The following NMNAT3 variants were observed in gnomAD, a reference collection of about 807,000 sequenced individuals.
NMNAT3 encodes the protein nicotinamide nucleotide adenylyltransferase 3.
A neutral mutation model predicts 24.8 loss-of-function variants in NMNAT3; 21 were observed. The observed-to-expected ratio is 0.85, with a 90% CI of 0.60 to 1.22. NMNAT3 has a LOEUF of 1.22. Among genes scored for constraint, NMNAT3 ranks in the 50% most tolerant of loss-of-function variants. The pLI is 0.00. For synonymous variants in NMNAT3, 136 were observed against 155.2 expected (o/e 0.88, Z 0.92); for missense variants, 387 against 436.6 (o/e 0.89, Z 1.01).
In NMNAT3 at chr3:139,590,697, G is replaced by A. The variant is rs550683444; in HGVS notation, c.110-7489C>T. On this transcript the variant is annotated intron_variant, in intron 3 of 6. Transcript: ENST00000643695. The stretch of plus-strand genomic sequence containing the variant: ...ATAAGCTTAAAAATTAATGCGTGCT[G>A]TAGAAATATTACAGTCTACTGAAAA... Among the ~76,000 whole-genome samples the A allele has an allele frequency of 4.6e-5, 7 of 152,174 alleles. No homozygotes were observed. The South Asian group carries it at 1.5e-3, about 32-fold the overall frequency.
At position 139,638,604 on chromosome 3, in the gene NMNAT3, C is replaced by T. The variant is rs1395883402; in HGVS notation, c.-140-542G>A. 2.0e-5 allele frequency among the ~76,000 whole-genome samples: 3 copies of T among 152,240 alleles called. 1 individual carries two copies. The highest frequency in any genetic ancestry group is 4.1e-4 in the South Asian group (2 of 4,830). ...CCTTGACTTGAGAGTCTGTCAGTCCCACCTCTGTAATATCTTTATTGCTCA... is the reference window on the plus strand; with the variant it reads ...CCTTGACTTGAGAGTCTGTCAGTCCTACCTCTGTAATATCTTTATTGCTCA... On this transcript the variant is annotated intron_variant, in intron 1 of 6. Transcript: ENST00000643695.
intron 1 of NMNAT3, among the ~76,000 whole-genome samples, chr3:139,641,059 A>G (rs921198325): frequency 6.6e-6 from 1 of 152,220 alleles, no homozygotes; most frequent in Non-Finnish European, 1.5e-5. Context: ...TAAGCTGACA[A>G]ACTGTCTTGT....
At chr3:139,577,903 G>T (rs1939575913) in intron 5 of NMNAT3, 2 of 152,262 alleles carry the variant, frequency 1.3e-5, no homozygotes, top group Admixed American at 1.3e-4. Flanking sequence ...CTACTAAAAA[G>T]GTAAATCTTT....
intron 6 of NMNAT3, chr3:139,566,060 G>A (rs571862801): frequency 6.6e-6 from 1 of 152,132 alleles, no homozygotes; most frequent in African/African-American, 2.4e-5. Flanking sequence ...CATTCTAACT[G>A]GTGTGAGATG....
At chr3:139,576,109 C>T (rs1939266750) in intron 5 of NMNAT3, 3 of 1,248,502 alleles carry the variant, frequency 2.4e-6, no homozygotes, top group Non-Finnish European at 3.1e-6. Flanking sequence ...ATGTTTGTTA[C>T]TATGTCACTA....
chr3:139,633,868 T>C (rs915460538), intron 2 of NMNAT3, among the ~76,000 whole-genome samples: 10 of 152,150 alleles, frequency 6.6e-5, no homozygotes, highest in African/African-American at 2.4e-4. Flanking sequence ...CTCTGAACGA[T>C]TTTAAACAGG....
intron 3 of NMNAT3, among the ~76,000 whole-genome samples, chr3:139,617,722 GTAAC>G (rs1284798860): frequency 5.9e-5 from 9 of 152,156 alleles, no homozygotes; most frequent in Admixed American, 1.3e-4. Flanking sequence ...TTGATTAGAA[GTAAC>G]TAACTGTCTC....
At chr3:139,625,959 C>T (rs1371036515) in intron 3 of NMNAT3, among the ~76,000 whole-genome samples, 1 of 152,118 alleles carries the variant, frequency 6.6e-6, no homozygotes, top group African/African-American at 2.4e-5. Context: ...TCTTTCAGTT[C>T]TCTAACAATG....
At chr3:139,664,680 C>T (rs974422825) in intron 1 of NMNAT3, among the ~76,000 whole-genome samples, 4 of 152,146 alleles carry the variant, frequency 2.6e-5, no homozygotes, top group Non-Finnish European at 1.5e-5. Context: ...AGCCATACTC[C>T]TAATTTTGCT....
chr3:139,608,306 G>T (rs1469994247), intron 3 of NMNAT3, among the ~76,000 whole-genome samples: 2 of 137,574 alleles, frequency 1.5e-5, no homozygotes, highest in African/African-American at 5.3e-5. Context: ...CACTGGCTTT[G>T]CACTCTTTGA....
At chr3:139,661,498 T>C (rs2057415683) in intron 1 of NMNAT3, among the ~76,000 whole-genome samples, 1 of 152,124 alleles carries the variant, frequency 6.6e-6, no homozygotes, top group African/African-American at 2.4e-5. Context: ...GCAAGACCTA[T>C]CTCTACAGGA....
At chr3:139,595,844 A>T (rs576731468) in intron 3 of NMNAT3, among the ~76,000 whole-genome samples, 2 of 152,354 alleles carry the variant, frequency 1.3e-5, no homozygotes, top group Admixed American at 6.5e-5. Context: ...GTTAGAGCTA[A>T]AACCATAAAA....
intron 3 of NMNAT3, among the ~76,000 whole-genome samples, chr3:139,593,456 C>T (rs1299661737): frequency 4.6e-5 from 7 of 152,220 alleles, no homozygotes; most frequent in East Asian, 3.9e-4. Flanking sequence ...CTGCACCAAG[C>T]GGACCTAATA....
At chr3:139,660,871 A>G (rs1052345128) in intron 1 of NMNAT3, among the ~76,000 whole-genome samples, 1 of 152,230 alleles carries the variant, frequency 6.6e-6, no homozygotes, top group Non-Finnish European at 1.5e-5. Context: ...CTAAGTTTGA[A>G]AAATGAACTT....
rs142990631 is a variant in NMNAT3 at position 139,598,367 on chromosome 3, A to G, written c.110-15159T>C. ...TTTGTGACTTCTGAGGTTAGGTCAT[A>G]AAAATGCCATGCACTTACATCTTAT... On this transcript the variant is annotated intron_variant, in intron 3 of 6. Transcript: ENST00000643695. 1.8e-3 allele frequency among the ~76,000 whole-genome samples: 276 copies of G among 152,304 alleles called. 1 individual carries two copies. Among genetic ancestry groups the G allele is most frequent in the African/African-American group, 4.4e-3 (183 of 41,572 alleles).
intron 3 of NMNAT3, among the ~76,000 whole-genome samples, chr3:139,595,840 G>C (rs556873563): frequency 1.2e-4 from 18 of 152,270 alleles, no homozygotes; most frequent in African/African-American, 2.6e-4. Flanking sequence ...AAACGTTAGA[G>C]CTAAAACCAT....
At chr3:139,631,446 C>CAT (rs1305898022) in intron 2 of NMNAT3, among the ~76,000 whole-genome samples, 2 of 152,120 alleles carry the variant, frequency 1.3e-5, no homozygotes, top group African/African-American at 4.8e-5. Context: ...CCCTTATCAT[C>CAT]TAATAATATC....
chr3:139,672,538 T>A (rs2057792907), intron 1 of NMNAT3: 1 of 152,234 alleles, frequency 6.6e-6, no homozygotes, highest in South Asian at 2.1e-4. Flanking sequence ...ATTACAATCC[T>A]ATTATAGCTG....
intron 1 of NMNAT3, among the ~76,000 whole-genome samples, chr3:139,661,826 A>G (rs937957642): frequency 6.6e-6 from 1 of 152,206 alleles, no homozygotes; most frequent in African/African-American, 2.4e-5. Flanking sequence ...TTACCTTTCA[A>G]TGCTTCAAAA....
Sources: gnomAD v4.1 joint callset for allele counts (sites outside exome capture counted in the v4.1 genomes callset) on GRCh38, gnomAD v4.1.1 for gene constraint, MANE v1.5 for transcripts, NCBI Gene and HGNC (gene_info 2026-07-23, HGNC 2026-07-21) for gene names.